WDPCP: variants seen among roughly 807,000 people sequenced by gnomAD.
WDPCP encodes WD repeat-containing and planar cell polarity effector protein fritz homolog.
A neutral mutation model predicts 93.1 loss-of-function variants in WDPCP; 71 were observed. The observed-to-expected ratio is 0.76, with a 90% CI of 0.63 to 0.93. WDPCP has a LOEUF of 0.93. Among genes scored for constraint, WDPCP ranks in the 40% least tolerant of loss-of-function variants. The pLI is 0.00. For synonymous variants in WDPCP, 315 were observed against 315.0 expected (o/e 1.00, Z 0.00); for missense variants, 844 against 887.4 (o/e 0.95, Z 0.62).
intron 17 of WDPCP, among the ~76,000 whole-genome samples, chr2:63,135,552 G>A (rs1276777390): frequency 1.3e-5 from 2 of 152,020 alleles, no homozygotes; most frequent in Non-Finnish European, 2.9e-5. Context: ...GGCTGATCTT[G>A]AACTCCTAAC....
Position 63,503,163 on chromosome 2 carries a change from C to A in WDPCP, c.76-10223G>T, listed in dbSNP as rs543388294. On this transcript the variant is annotated intron_variant, in intron 1 of 17. Coordinates refer to ENST00000272321, the MANE Select transcript of WDPCP (RefSeq NM_015910.7). ...AGTTAAATAGATCTTGTCAATTTAACATTTTCCGTATTATAAGCAGTTTTG... is the reference window on the plus strand; with the variant it reads ...AGTTAAATAGATCTTGTCAATTTAAAATTTTCCGTATTATAAGCAGTTTTG... 2.6e-5 allele frequency among the ~76,000 whole-genome samples: 4 copies of A among 152,302 alleles called. No homozygotes were observed. In the East Asian group the frequency reaches 7.7e-4, roughly 29 times the overall value.
At chr2:63,575,441 G>GTATGCACTGTA (rs1707935556) in intron 1 of WDPCP, among the ~76,000 whole-genome samples, 2 of 53,604 alleles carry the variant, frequency 3.7e-5, no homozygotes, top group African/African-American at 8.8e-5. Flanking sequence ...TATATACAGT[G>GTATGCACTGTA]TATACACTGT....
At chr2:63,397,870 G>A (rs980794922) in intron 10 of WDPCP, among the ~76,000 whole-genome samples, 2 of 152,160 alleles carry the variant, frequency 1.3e-5, no homozygotes, top group African/African-American at 2.4e-5. Context: ...GGCTATGAAA[G>A]GAAGGTGAAT....
chr2:63,323,425 A>T (rs900071031), intron 12 of WDPCP, among the ~76,000 whole-genome samples: 1 of 152,220 alleles, frequency 6.6e-6, no homozygotes, highest in African/African-American at 2.4e-5. Context: ...AGGGGGGACT[A>T]TCTGGAATTT....
chr2:63,597,074 G>A (rs1327294762), intron 3 of WDPCP, among the ~76,000 whole-genome samples: 1 of 152,194 alleles, frequency 6.6e-6, no homozygotes. Flanking sequence ...TTTGTGTTGT[G>A]TGGTAATTAG....
At position 63,362,277 on chromosome 2, in the gene WDPCP, T is replaced by TTGGGTG. The variant is rs1553362983; in HGVS notation, c.1748+16108_1748+16109insCACCCA. On this transcript the variant is annotated intron_variant, in intron 12 of 17. Transcript: ENST00000272321. Reference sequence around the variant, plus strand: ...GAATCCCTTTTTTTTTTTTTTTTGGTTGTGTGTGTGTGTGTGTGTGTGTGT... The same window carrying TTGGGTG: ...GAATCCCTTTTTTTTTTTTTTTTGGTTGGGTGTGTGTGTGTGTGTGTGTGTGTGTGT... 1.7e-4 allele frequency among the ~76,000 whole-genome samples: 16 copies of TTGGGTG among 94,132 alleles called. 1 individual carries two copies. Among genetic ancestry groups the TTGGGTG allele is most frequent in the African/African-American group, 5.5e-4 (12 of 21,650 alleles). The allele number at this position is 94,132 out of a possible 152,430, so 61.8% of individuals were successfully genotyped here.
Position 63,259,426 on chromosome 2 carries a change from A to C in WDPCP, c.1813-17T>G. Reference sequence around the variant, plus strand: ...ATGAATATCCTGAGGAAATAAAGCAAAATAAAAGATTGATTCAAAATGAAC... The same window carrying C: ...ATGAATATCCTGAGGAAATAAAGCACAATAAAAGATTGATTCAAAATGAAC... On this transcript the variant is annotated splice_polypyrimidine_tract_variant and intron_variant, in intron 13 of 17. Coordinates refer to ENST00000272321, the MANE Select transcript of WDPCP (RefSeq NM_015910.7). 6.3e-7 allele frequency: 1 copy of C among 1,590,944 alleles called. No homozygotes were observed. Among genetic ancestry groups the C allele is most frequent in the Non-Finnish European group, 8.6e-7 (1 of 1,163,964 alleles).
intron 1 of WDPCP, among the ~76,000 whole-genome samples, chr2:63,563,695 A>T (rs1435042481): frequency 2.0e-5 from 3 of 152,136 alleles, no homozygotes; most frequent in Non-Finnish European, 4.4e-5. Flanking sequence ...AATTGAGGTC[A>T]TAAGGGTAGA....
In WDPCP at chr2:63,545,105, C is replaced by T. The variant is rs531307634; in HGVS notation, c.75+43092G>A. ...AAGACTTTATGATCCATTATCTACA[C>T]TTGGGAGAGCCAATCCTATTCCTTT... On this transcript the variant is annotated intron_variant, in intron 1 of 17. Transcript: ENST00000272321. 3.3e-5 allele frequency among the ~76,000 whole-genome samples: 5 copies of T among 152,254 alleles called. No individual in the cohort carries two copies. The East Asian group carries it at 9.7e-4, about 29-fold the overall frequency.
At chr2:63,328,612 C>T (rs866175607) in intron 12 of WDPCP, among the ~76,000 whole-genome samples, 2 of 152,162 alleles carry the variant, frequency 1.3e-5, no homozygotes, top group South Asian at 2.1e-4. Context: ...TGCGAGCGTC[C>T]GCGGCTTCAT....
rs146266228 is a variant in WDPCP, at chr2:63,574,334, A to G, written c.75+13863T>C. On this transcript the variant is annotated intron_variant, in intron 1 of 17. Transcript: ENST00000272321. ...CCCTTTATTTCTCAGACTGGCCGAC[A>G]CTTAGGGAAGATAGAAAAGAACCTA... Among the ~76,000 whole-genome samples, 470 of 152,290 alleles carry G rather than the reference A, an allele frequency of 3.1e-3. 4 individuals carry two copies. The highest frequency in any genetic ancestry group is 0.01 in the African/African-American group (436 of 41,556).
At chr2:63,262,553 A>G (rs1001090347) in intron 13 of WDPCP, among the ~76,000 whole-genome samples, 143 of 151,094 alleles carry the variant, frequency 9.5e-4, no homozygotes, top group South Asian at 1.9e-3. Flanking sequence ...AAAAAAAAAA[A>G]AAAGAAAGAA....
intron 9 of WDPCP, among the ~76,000 whole-genome samples, chr2:63,414,622 A>AAGAATGGAAAACCAAAACTCT (rs1695275447): frequency 6.6e-6 from 1 of 152,234 alleles, no homozygotes; most frequent in Non-Finnish European, 1.5e-5. Context: ...GAAGCAACTC[A>AAGAATGGAAAACCAAAACTCT]AGAATGGAAA....
chr2:63,790,917 A>C (rs767805694), intron 2 of WDPCP, among the ~76,000 whole-genome samples: 11 of 152,208 alleles, frequency 7.2e-5, no homozygotes, highest in Non-Finnish European at 1.6e-4. Context: ...CTTTACATAT[A>C]ATAAGGCAAG....
chr2:63,728,238 C>T (rs1669517068), intron 2 of WDPCP, among the ~76,000 whole-genome samples: 1 of 152,172 alleles, frequency 6.6e-6, no homozygotes, highest in South Asian at 2.1e-4. Context: ...AAAAGTTGCT[C>T]CTGACCTACT....
intron 1 of WDPCP, chr2:63,564,565 A>C (rs1289539349): frequency 3.3e-5 from 5 of 152,202 alleles, no homozygotes; most frequent in Non-Finnish European, 7.3e-5. Context: ...CGTGAGTTTG[A>C]GTTCGGCTAA....
At chr2:63,523,793 C>T (rs906904334) in intron 1 of WDPCP, among the ~76,000 whole-genome samples, 1 of 152,152 alleles carries the variant, frequency 6.6e-6, no homozygotes, top group Non-Finnish European at 1.5e-5. Flanking sequence ...TGCCTGTAAT[C>T]CCAGCTACTC....
intron 13 of WDPCP, among the ~76,000 whole-genome samples, chr2:63,266,730 C>CG (rs1682154611): frequency 1.3e-5 from 2 of 151,982 alleles, no homozygotes; most frequent in South Asian, 4.2e-4. Context: ...CATTTGAACT[C>CG]GGGGGGTGGA....
At chr2:63,434,986 C>T (rs965383996) in intron 8 of WDPCP, among the ~76,000 whole-genome samples, 1 of 152,114 alleles carries the variant, frequency 6.6e-6, no homozygotes, top group African/African-American at 2.4e-5. Flanking sequence ...AAGGTTAATG[C>T]TTTAATAATC....
Sources: allele counts gnomAD v4.1 joint callset (sites outside exome capture counted in the v4.1 genomes callset), GRCh38; gene constraint gnomAD v4.1.1; transcripts MANE v1.5; gene names NCBI Gene and HGNC (gene_info 2026-07-23, HGNC 2026-07-21).